Variants in HHAT observed in about 807,000 individuals in gnomAD.
HHAT encodes hedgehog acyltransferase, also known as protein-cysteine N-palmitoyltransferase HHAT.
A neutral mutation model predicts 70.8 loss-of-function variants in HHAT; 47 were observed. The observed-to-expected ratio is 0.66, with a 90% CI of 0.53 to 0.85. The LOEUF is 0.85. Ranked by LOEUF, HHAT falls within the 40% of genes least tolerant of loss-of-function variation. The pLI, the probability that HHAT is intolerant of heterozygous loss-of-function variation, is 0.00. For missense variants in HHAT, 609 were observed against 604.8 expected (o/e 1.01, Z -0.07); for synonymous variants, 228 against 247.6 (o/e 0.92, Z 0.74).
At chr1:210,666,121 G>A (rs1450868715) in intron 11 of HHAT, among the ~76,000 whole-genome samples, 1 of 152,228 alleles carries the variant, frequency 6.6e-6, no homozygotes, top group African/African-American at 2.4e-5. Flanking sequence ...CTTTGAAACA[G>A]CCCTGTTAGA....
chr1:210,553,130 G>T (rs2095541629), intron 9 of HHAT, among the ~76,000 whole-genome samples: 1 of 152,182 alleles, frequency 6.6e-6, no homozygotes. Flanking sequence ...AAGGGGAGAG[G>T]AAGATGGGAG....
At chr1:210,365,818 G>A (rs753176825) in intron 3 of HHAT, among the ~76,000 whole-genome samples, 64 of 150,510 alleles carry the variant, frequency 4.3e-4, no homozygotes, top group Non-Finnish European at 7.4e-4. Flanking sequence ...GTTTCACCAC[G>A]TTGGCTAGGC....
intron 7 of HHAT, 51 bp from the exon 8 acceptor site, chr1:210,464,454 A>C: frequency 3.1e-6 from 5 of 1,607,506 alleles, no homozygotes; most frequent in Non-Finnish European, 4.3e-6. Context: ...CTCCTCCAGG[A>C]AACTGCTGTG....
intron 9 of HHAT, among the ~76,000 whole-genome samples, chr1:210,525,834 C>T (rs2095237434): frequency 6.6e-6 from 1 of 152,120 alleles, no homozygotes; most frequent in African/African-American, 2.4e-5. Context: ...TCTGAGTCAG[C>T]GATGTTGCTT....
rs140582644 is a variant in HHAT, at chr1:210,596,091, T to C, written c.1245+7992T>C. ...TGCCTAGGTTTTTCTTCTAGGGTTT[T>C]TATGGTTTTAGATCTAACATTTAAG... On this transcript the variant is annotated intron_variant, in intron 10 of 11. Transcript: ENST00000261458. 8.6e-3 allele frequency among the ~76,000 whole-genome samples: 1,315 copies of C among 152,338 alleles called. 18 individuals are homozygous for C. The highest frequency in any genetic ancestry group is 0.026 in the African/African-American group (1,087 of 41,566).
intron 9 of HHAT, among the ~76,000 whole-genome samples, chr1:210,535,665 T>TTG (rs994925933): frequency 6.6e-6 from 1 of 151,490 alleles, no homozygotes; most frequent in Non-Finnish European, 1.5e-5. Flanking sequence ...TGGTGTGTGT[T>TTG]TGTGTGTGTG....
intron 9 of HHAT, among the ~76,000 whole-genome samples, chr1:210,520,444 C>G (rs2095138656): frequency 6.6e-6 from 1 of 151,908 alleles, no homozygotes; most frequent in Non-Finnish European, 1.5e-5. Context: ...CTTTTTTCCT[C>G]TCACTTTTTT....
At chr1:210,528,059 C>T (rs1182810458) in intron 9 of HHAT, among the ~76,000 whole-genome samples, 2 of 152,178 alleles carry the variant, frequency 1.3e-5, no homozygotes, top group Non-Finnish European at 2.9e-5. Context: ...AAAAGACATG[C>T]AATTCCTACC....
intron 8 of HHAT, among the ~76,000 whole-genome samples, chr1:210,507,359 CTT>C (rs927392992): frequency 2.4e-5 from 3 of 122,530 alleles, no homozygotes; most frequent in Admixed American, 8.9e-5. Context: ...TTTCTTTTTT[CTT>C]TTTTTTTTTT....
At chr1:210,553,164 G>T (rs1462597529) in intron 9 of HHAT, among the ~76,000 whole-genome samples, 1 of 152,200 alleles carries the variant, frequency 6.6e-6, no homozygotes, top group African/African-American at 2.4e-5. Context: ...CTTGGATCCA[G>T]TGGCTCCACT....
chr1:210,568,095 C>A (rs1030020151), intron 9 of HHAT, among the ~76,000 whole-genome samples: 1 of 152,220 alleles, frequency 6.6e-6, no homozygotes, highest in Non-Finnish European at 1.5e-5. Flanking sequence ...ATCCCTCAAC[C>A]TCTGGGAACG....
chr1:210,499,644 CAAA>C (rs5780584), intron 8 of HHAT, among the ~76,000 whole-genome samples: 13 of 148,622 alleles, frequency 8.7e-5, no homozygotes, highest in East Asian at 3.9e-4. Flanking sequence ...CTTTCTCTCT[CAAA>C]AAAAAAAAAA....
intron 7 of HHAT, among the ~76,000 whole-genome samples, chr1:210,452,896 A>C (rs1167421627): frequency 6.6e-6 from 1 of 152,232 alleles, no homozygotes; most frequent in Non-Finnish European, 1.5e-5. Flanking sequence ...CAAAGTTTAT[A>C]ATAAAGCTTT....
intron 9 of HHAT, among the ~76,000 whole-genome samples, chr1:210,581,926 G>T (rs556228394): frequency 1.3e-5 from 2 of 151,996 alleles, no homozygotes; most frequent in Non-Finnish European, 2.9e-5. Context: ...ACATACACAC[G>T]CATACACATA....
At chr1:210,625,489 G>A (rs1317738252) in intron 11 of HHAT, among the ~76,000 whole-genome samples, 8 of 152,222 alleles carry the variant, frequency 5.3e-5, no homozygotes, top group Non-Finnish European at 1.2e-4. Context: ...ACACAAAAAT[G>A]TGCAGTAGAT....
chr1:210,414,534 A>G (rs1203844710), intron 6 of HHAT, among the ~76,000 whole-genome samples: 1 of 152,170 alleles, frequency 6.6e-6, no homozygotes, highest in Non-Finnish European at 1.5e-5. Context: ...AAATTAGTCT[A>G]GCATAAAACA....
intron 3 of HHAT, among the ~76,000 whole-genome samples, chr1:210,376,662 C>T (rs1336769670): frequency 6.6e-6 from 1 of 152,168 alleles, no homozygotes; most frequent in African/African-American, 2.4e-5. Context: ...CCTGGGCTGC[C>T]TGTGACGGCT....
At chr1:210,564,205 C>T (rs563056505) in intron 9 of HHAT, among the ~76,000 whole-genome samples, 6 of 151,788 alleles carry the variant, frequency 4.0e-5, no homozygotes, top group Non-Finnish European at 7.4e-5. Flanking sequence ...TCAAGTGATC[C>T]GCCCACCTCA....
intron 10 of HHAT, among the ~76,000 whole-genome samples, chr1:210,605,154 C>T (rs1387722790): frequency 6.6e-6 from 1 of 152,210 alleles, no homozygotes; most frequent in African/African-American, 2.4e-5. Flanking sequence ...GAATCTTTCA[C>T]ATTTGTTATT....
Sources: allele counts gnomAD v4.1 joint callset (sites outside exome capture counted in the v4.1 genomes callset), GRCh38; gene constraint gnomAD v4.1.1; transcripts MANE v1.5; gene names NCBI Gene and HGNC (gene_info 2026-07-23, HGNC 2026-07-21).